MDFIC: variants seen among roughly 807,000 people sequenced by gnomAD.
MDFIC encodes the protein MyoD family inhibitor domain containing, also known as myoD family inhibitor domain-containing protein.
Under a neutral mutation model 23.2 loss-of-function variants are expected in MDFIC, and 17 were observed. The ratio of observed to expected loss-of-function variants is 0.73; its 90% confidence interval spans 0.50 to 1.10. The LOEUF is 1.10. Ranked by LOEUF, MDFIC falls within the 50% of genes least tolerant of loss-of-function variation. The probability of loss-of-function intolerance (pLI) is 0.00; values close to 1 mark genes in which losing one functional copy is unlikely to be tolerated. For synonymous variants in MDFIC, 120 were observed against 115.2 expected, an observed-to-expected ratio of 1.04 and a Z score of -0.27; for missense variants, 356 against 316.6, an observed-to-expected ratio of 1.12 and a Z score of -0.95.
At chr7:114,956,277 T>G (rs2115839294) in intron 3 of MDFIC, among the ~76,000 whole-genome samples, 1 of 152,150 alleles carries the variant, frequency 6.6e-6, no homozygotes, top group East Asian at 1.9e-4. Context: ...CTATACTCCT[T>G]CAGAACTTCA....
intron 3 of MDFIC, among the ~76,000 whole-genome samples, chr7:114,963,404 G>A (rs1793032312): frequency 6.6e-6 from 1 of 152,184 alleles, no homozygotes; most frequent in Non-Finnish European, 1.5e-5. Flanking sequence ...CTTTGCAGGT[G>A]TTGTTAGTCT....
intron 3 of MDFIC, among the ~76,000 whole-genome samples, chr7:114,946,919 A>G (rs1792657838): frequency 6.6e-6 from 1 of 152,202 alleles, no homozygotes; most frequent in African/African-American, 2.4e-5. Context: ...ATACCATTTC[A>G]TCACTTTAGG....
chr7:114,953,436 A>G (rs1792820008), intron 3 of MDFIC, among the ~76,000 whole-genome samples: 1 of 152,234 alleles, frequency 6.6e-6, no homozygotes, highest in South Asian at 2.1e-4. Context: ...TCAGGCTACA[A>G]GAACTTCTGA....
At chr7:114,944,945 G>A (rs1364257916) in intron 3 of MDFIC, among the ~76,000 whole-genome samples, 2 of 152,198 alleles carry the variant, frequency 1.3e-5, no homozygotes, top group Non-Finnish European at 2.9e-5. Flanking sequence ...TCCCACTGTA[G>A]CGCGAGTTTG....
rs1791815002 is a variant in MDFIC, at chr7:115,017,349, A to T, written c.*1414A>T. 1 of 152,146 alleles carries T rather than the reference A, an allele frequency of 6.6e-6. No homozygotes were observed. The highest frequency in any genetic ancestry group is 1.5e-5 in the Non-Finnish European group (1 of 67,994). The allele number at this position is 152,146 out of a possible 1,614,324, so 9.4% of individuals were successfully genotyped here. The stretch of plus-strand genomic sequence containing the variant: ...TGACACATTTCATTTAAATTAGGAA[A>T]TTTTTAATATTAAAATCCCAGTGTT... On this transcript the variant is annotated 3_prime_UTR_variant, in exon 5 of 5. Coordinates refer to ENST00000393486, the MANE Select transcript of MDFIC (RefSeq NM_001166345.3).
chr7:114,928,556 A>G (rs1330583762), intron 2 of MDFIC, among the ~76,000 whole-genome samples: 1 of 152,130 alleles, frequency 6.6e-6, no homozygotes, highest in Non-Finnish European at 1.5e-5. Flanking sequence ...CTTGGGGGAG[A>G]TGATTACAGA....
rs938839862 is a variant in MDFIC at position 114,991,873 on chromosome 7, C to A, written c.493+12092C>A. 9.2e-5 allele frequency among the ~76,000 whole-genome samples: 14 copies of A among 152,192 alleles called. 1 individual carries two copies. The highest frequency in any genetic ancestry group is 6.8e-3 in the Middle Eastern group (2 of 294). ...CATATGAACTTTAAAGTAGTTTTTT[C>A]CAATTCTGTGAAGAAAGTCATTGGT... On this transcript the variant is annotated intron_variant, in intron 4 of 4. Transcript: ENST00000393486.
intron 4 of MDFIC, among the ~76,000 whole-genome samples, chr7:114,989,553 C>A (rs1226664588): frequency 6.6e-6 from 1 of 152,188 alleles, no homozygotes; most frequent in East Asian, 1.9e-4. Flanking sequence ...ACCTTCTTGA[C>A]AAACCAGCAT....
intron 3 of MDFIC, among the ~76,000 whole-genome samples, chr7:114,969,739 G>T (rs1445929306): frequency 6.6e-6 from 1 of 152,080 alleles, no homozygotes; most frequent in African/African-American, 2.4e-5. Context: ...ATGTCACAAT[G>T]TTTCTACTTA....
At chr7:114,983,312 A>G (rs890444260) in intron 4 of MDFIC, among the ~76,000 whole-genome samples, 3 of 152,258 alleles carry the variant, frequency 2.0e-5, no homozygotes, top group East Asian at 1.9e-4. Context: ...AACAACTGGA[A>G]TAACATTTTT....
chr7:115,000,713 G>A (rs1740116257), intron 4 of MDFIC, among the ~76,000 whole-genome samples: 1 of 152,074 alleles, frequency 6.6e-6, no homozygotes, highest in Non-Finnish European at 1.5e-5. Flanking sequence ...AAATTCCTAA[G>A]TAACTTGTTT....
intron 3 of MDFIC, among the ~76,000 whole-genome samples, chr7:114,956,028 C>G (rs1290416198): frequency 1.3e-5 from 2 of 152,092 alleles, no homozygotes; most frequent in Non-Finnish European, 2.9e-5. Context: ...GAGTGATTCT[C>G]AAATGGAGAG....
chr7:114,979,412 A>G, intron 3 of MDFIC, 94 bp from the exon 4 acceptor site: 1 of 1,315,348 alleles, frequency 7.6e-7, no homozygotes. Context: ...TATGGGTAAA[A>G]CCCCAAATCT....
intron 4 of MDFIC, among the ~76,000 whole-genome samples, chr7:115,009,643 T>C (rs1791641602): frequency 6.6e-6 from 1 of 152,220 alleles, no homozygotes; most frequent in African/African-American, 2.4e-5. Context: ...TAAGATGCTG[T>C]TTAATTCAGT....
chr7:114,993,648 G>T (rs1344970797), intron 4 of MDFIC, among the ~76,000 whole-genome samples: 1 of 152,176 alleles, frequency 6.6e-6, no homozygotes. Context: ...TTTCCATGTA[G>T]TTGAGTGGTT....
At chr7:114,991,453 G>C (rs1345065184) in intron 4 of MDFIC, among the ~76,000 whole-genome samples, 1 of 152,134 alleles carries the variant, frequency 6.6e-6, no homozygotes, top group Non-Finnish European at 1.5e-5. Flanking sequence ...GTATTTCCTA[G>C]GTTTTCTTCT....
intron 3 of MDFIC, among the ~76,000 whole-genome samples, chr7:114,969,130 T>A (rs1481279229): frequency 6.6e-6 from 1 of 152,234 alleles, no homozygotes; most frequent in Non-Finnish European, 1.5e-5. Context: ...CATAGTATGA[T>A]ATCTGTAACT....
chr7:115,003,558 C>T (rs1020682463), intron 4 of MDFIC, among the ~76,000 whole-genome samples: 1 of 152,178 alleles, frequency 6.6e-6, no homozygotes, highest in Non-Finnish European at 1.5e-5. Flanking sequence ...CAAAGTCATC[C>T]TGTCTGACCC....
intron 2 of MDFIC, among the ~76,000 whole-genome samples, chr7:114,925,143 T>C (rs1792163966): frequency 6.6e-6 from 1 of 152,108 alleles, no homozygotes; most frequent in African/African-American, 2.4e-5. Flanking sequence ...GAAAAAAATA[T>C]TATTTCAGGA....
Sources: gnomAD v4.1 joint callset for allele counts (sites outside exome capture counted in the v4.1 genomes callset) on GRCh38, gnomAD v4.1.1 for gene constraint, MANE v1.5 for transcripts, NCBI Gene and HGNC (gene_info 2026-07-23, HGNC 2026-07-21) for gene names.